The following KCNQ1OT1 variants were observed in gnomAD, a reference collection of about 807,000 sequenced individuals.
KCNQ1OT1 encodes the protein KCNQ1 antisense RNA 2 (non-protein coding).
rs114135456 is a variant in KCNQ1OT1 at position 2,626,228 on chromosome 11, A to G, written n.73767T>C. 4.0e-3 allele frequency: 1,610 copies of G among 398,526 alleles called. 16 individuals are homozygous for G. The highest frequency in any genetic ancestry group is 0.022 in the African/African-American group (1,058 of 48,730). The allele number at this position is 398,526 out of a possible 1,614,324, so 24.7% of individuals were successfully genotyped here. A position where few individuals can be genotyped will look rare whatever the true frequency, so the allele number is the denominator to read the frequency against. ...CCATTTTGAGTAAGTTTTTGTACAC[A>G]GTGTTAGGTAAGGGTCTCAACTTCA... On this transcript the variant is annotated non_coding_transcript_exon_variant, in exon 1 of 1. Coordinates refer to ENST00000597346, the Ensembl canonical transcript of KCNQ1OT1. The surrounding 1 kb of genome is among the most constrained non-coding windows in gnomAD (Gnocchi z 4.0).
At chr11:2,634,315 CCCCCTCCCCCCTCCCCCCCCA>C (rs1196658478) in exon 1 of KCNQ1OT1, 2 of 7,268 alleles carry the variant, frequency 2.8e-4, no homozygotes, top group Admixed American at 2.8e-3. Context: ...GCTTTCCCTC[CCCCCTCCCCCCTCCCCCCCCA>C]CCCCACAACA....
exon 1 of KCNQ1OT1, chr11:2,693,702 A>G (rs1564860487): frequency 2.5e-6 from 1 of 398,570 alleles, no homozygotes; most frequent in Non-Finnish European, 4.4e-6. Flanking sequence ...CTCCAGCCTC[A>G]TGGGCCTTCC....
exon 1 of KCNQ1OT1, chr11:2,689,785 G>A: frequency 2.5e-6 from 1 of 398,696 alleles, no homozygotes; most frequent in Non-Finnish European, 4.4e-6. Context: ...GCCTAGGAGG[G>A]GAGGGGAAGC....
rs537056525 is a variant in KCNQ1OT1, at chr11:2,695,694, G to A, written n.4301C>T. ...GAAGTGTTGGCCAGCTCTTCAGAAC[G>A]TCTGTGCCTGTCTCCGTCCCCACCT... On this transcript the variant is annotated non_coding_transcript_exon_variant, in exon 1 of 1. Transcript: ENST00000597346. This position sits in a 1 kb window ranked among gnomAD's most constrained non-coding sequence, Gnocchi z 5.2. 2.1e-4 allele frequency: 84 copies of A among 398,652 alleles called. 2 individuals are homozygous for A. The South Asian group carries it at 2.5e-3, about 12-fold the overall frequency. 24.7% of individuals were successfully genotyped at this position (398,652 alleles called of 1,614,324 possible). A position where few individuals can be genotyped will look rare whatever the true frequency, so the allele number is the denominator to read the frequency against.
At chr11:2,614,331 T>G (rs1321521946) in exon 1 of KCNQ1OT1, 3 of 398,476 alleles carry the variant, frequency 7.5e-6, no homozygotes, top group Non-Finnish European at 1.3e-5. Context: ...TCTGTGCTGC[T>G]TTTTAGTCTT....
At chr11:2,622,860 C>T (rs1329720089) in exon 1 of KCNQ1OT1, 7 of 398,550 alleles carry the variant, frequency 1.8e-5, no homozygotes, top group Non-Finnish European at 3.1e-5. Flanking sequence ...TTTGTTACAA[C>T]TTATGAATCT....
chr11:2,674,302 C>T lies in KCNQ1OT1; in HGVS notation n.25693G>A. On this transcript the variant is annotated non_coding_transcript_exon_variant, in exon 1 of 1. Transcript: ENST00000597346. The surrounding 1 kb of genome is among the most constrained non-coding windows in gnomAD (Gnocchi z 5.9). ...CTAGGACCTTTCTTCATCATGCAGCCGTAGAGCTGGAGGCCAAGGACACCC... is the reference window on the plus strand; with the variant it reads ...CTAGGACCTTTCTTCATCATGCAGCTGTAGAGCTGGAGGCCAAGGACACCC... The T allele has an allele frequency of 1.0e-5, 4 of 398,672 alleles. No individual in the cohort carries two copies. The highest frequency in any genetic ancestry group is 4.4e-5 in the Admixed American group (1 of 22,738). The allele number at this position is 398,672 out of a possible 1,614,324, so 24.7% of individuals were successfully genotyped here.
In KCNQ1OT1 at chr11:2,679,706, G is replaced by C. The variant is rs577210505; in HGVS notation, n.20289C>G. ...AGATTAGATTTTTTTTAAATCAGCC[G>C]TTCTCTGTATTCTTGTCCAGATGCT... On this transcript the variant is annotated non_coding_transcript_exon_variant, in exon 1 of 1. Coordinates refer to ENST00000597346, the Ensembl canonical transcript of KCNQ1OT1. This position sits in a 1 kb window ranked among gnomAD's most constrained non-coding sequence, Gnocchi z 4.8. 1 of 398,342 alleles carries C rather than the reference G, an allele frequency of 2.5e-6. No individual in the cohort carries two copies. The highest frequency in any genetic ancestry group is 2.1e-5 in the African/African-American group (1 of 48,550). The allele number at this position is 398,342 out of a possible 1,614,324, so 24.7% of individuals were successfully genotyped here. A position where few individuals can be genotyped will look rare whatever the true frequency, so the allele number is the denominator to read the frequency against.
exon 1 of KCNQ1OT1, chr11:2,684,705 C>A (rs539789755): frequency 2.5e-6 from 1 of 398,556 alleles, no homozygotes; most frequent in Non-Finnish European, 4.4e-6. Flanking sequence ...CTTGCTCAGG[C>A]GGAGGGGCCT....
In KCNQ1OT1 at chr11:2,678,301, C is replaced by G; in HGVS notation, n.21694G>C. On this transcript the variant is annotated non_coding_transcript_exon_variant, in exon 1 of 1. Transcript: ENST00000597346. The surrounding 1 kb of genome is among the most constrained non-coding windows in gnomAD (Gnocchi z 4.9). ...GTTTTAATAAATTCTTCCATGTTTT[C>G]TTCTATCATTTTTTATTTCATTTTT... The G allele has an allele frequency of 5.0e-6, 2 of 398,304 alleles. No individual in the cohort carries two copies. The highest frequency in any genetic ancestry group is 8.9e-6 in the Non-Finnish European group (2 of 225,968). The allele number at this position is 398,304 out of a possible 1,614,324, so 24.7% of individuals were successfully genotyped here. A position where few individuals can be genotyped will look rare whatever the true frequency, so the allele number is the denominator to read the frequency against.
At chr11:2,628,992 A>G (rs1227821490) in exon 1 of KCNQ1OT1, 2 of 398,116 alleles carry the variant, frequency 5.0e-6, no homozygotes, top group Non-Finnish European at 8.9e-6. Flanking sequence ...CAGTACCATA[A>G]CTTTGAAATA....
exon 1 of KCNQ1OT1, chr11:2,630,992 T>A: frequency 2.5e-6 from 1 of 398,564 alleles, no homozygotes; most frequent in Non-Finnish European, 4.4e-6. Flanking sequence ...TTTATTTATC[T>A]TGCCGCTTTC....
exon 1 of KCNQ1OT1, chr11:2,640,930 A>G (rs1849566723): frequency 2.5e-6 from 1 of 399,140 alleles, no homozygotes. Context: ...TAAGATAATT[A>G]TCTTTCTGTG....
At chr11:2,692,345 A>G (rs1564860073) in exon 1 of KCNQ1OT1, 4 of 398,732 alleles carry the variant, frequency 1.0e-5, no homozygotes, top group Non-Finnish European at 1.8e-5. Context: ...ATTTCTCTGT[A>G]CTGCAGGCAT....
In KCNQ1OT1 at chr11:2,670,092, CTG is replaced by C. The variant is rs1850153716; in HGVS notation, n.29901_29902del. The C allele has an allele frequency of 2.5e-6, 1 of 398,594 alleles. No individual in the cohort carries two copies. The highest frequency in any genetic ancestry group is 1.3e-4 in the South Asian group (1 of 7,866). 24.7% of individuals were successfully genotyped at this position (398,594 alleles called of 1,614,324 possible). On this transcript the variant is annotated non_coding_transcript_exon_variant, in exon 1 of 1. Coordinates refer to ENST00000597346, the Ensembl canonical transcript of KCNQ1OT1. This position sits in a 1 kb window ranked among gnomAD's most constrained non-coding sequence, Gnocchi z 4.9. ...GGGGGTTGGAGGCAGAATCAGTGGA[CTG>C]TGTCTCATGGCAGTCACAGGTGCCC... is the stretch of plus-strand genomic sequence containing the variant.
exon 1 of KCNQ1OT1, chr11:2,689,017 C>T (rs943070527): frequency 2.5e-6 from 1 of 398,676 alleles, no homozygotes; most frequent in Non-Finnish European, 4.4e-6. Context: ...GGGTTGGAAT[C>T]CTGGAGCCCT....
At position 2,687,913 on chromosome 11, in the gene KCNQ1OT1, A is replaced by C. The variant is rs1481610149; in HGVS notation, n.12082T>G. On this transcript the variant is annotated non_coding_transcript_exon_variant, in exon 1 of 1. Transcript: ENST00000597346. The surrounding 1 kb of genome is among the most constrained non-coding windows in gnomAD (Gnocchi z 5.0). The stretch of plus-strand genomic sequence containing the variant: ...AATCCTGGTGGGATGGAAAATCCCC[A>C]GCAGTTGTGAGGCTGCACTTCTCCC... 2.5e-6 allele frequency: 1 copy of C among 398,628 alleles called. No individual in the cohort carries two copies. Among genetic ancestry groups the C allele is most frequent in the Non-Finnish European group, 4.4e-6 (1 of 226,152 alleles). 24.7% of individuals were successfully genotyped at this position (398,628 alleles called of 1,614,324 possible).
rs922473928 is a variant in KCNQ1OT1, at chr11:2,652,730, A to C, written n.47265T>G. On this transcript the variant is annotated non_coding_transcript_exon_variant, in exon 1 of 1. Coordinates refer to ENST00000597346, the Ensembl canonical transcript of KCNQ1OT1. This position sits in a 1 kb window ranked among gnomAD's most constrained non-coding sequence, Gnocchi z 5.9. ...CCGTTTCCTGGGCTCACTCACGCTC[A>C]GGGTTGACCCTGTCCTGGCTCTGTC... 2.5e-6 allele frequency: 1 copy of C among 398,848 alleles called. No homozygotes were observed. Among genetic ancestry groups the C allele is most frequent in the East Asian group, 3.6e-5 (1 of 28,072 alleles). 24.7% of individuals were successfully genotyped at this position (398,848 alleles called of 1,614,324 possible).
rs886764125 is a variant in KCNQ1OT1, at chr11:2,671,775, A to C, written n.28220T>G. 5.0e-6 allele frequency: 2 copies of C among 398,632 alleles called. No homozygotes were observed. Among genetic ancestry groups the C allele is most frequent in the African/African-American group, 2.1e-5 (1 of 48,620 alleles). 24.7% of individuals were successfully genotyped at this position (398,632 alleles called of 1,614,324 possible). A position where few individuals can be genotyped will look rare whatever the true frequency, so the allele number is the denominator to read the frequency against. On this transcript the variant is annotated non_coding_transcript_exon_variant, in exon 1 of 1. Coordinates refer to ENST00000597346, the Ensembl canonical transcript of KCNQ1OT1. This position sits in a 1 kb window ranked among gnomAD's most constrained non-coding sequence, Gnocchi z 4.7. ...TACACATACATGCATGCACATAATC[A>C]TTCTGACCCAGTCAGGGTTCTTCCC...
Sources: allele counts gnomAD v4.1 joint callset, GRCh38; gene constraint gnomAD v4.1.1; non-coding constraint Gnocchi (gnomAD v3.1); transcripts MANE v1.5; gene names NCBI Gene and HGNC (gene_info 2026-07-23, HGNC 2026-07-21).